The following ANKS1B variants were observed in gnomAD, a reference collection of about 807,000 sequenced individuals.
ANKS1B encodes the protein ankyrin repeat and sterile alpha motif domain containing 1B, also known as ankyrin repeat and sterile alpha motif domain-containing protein 1B.
A neutral mutation model predicts 148.3 loss-of-function variants in ANKS1B; 36 were observed. The observed-to-expected ratio is 0.24, with a 90% CI of 0.19 to 0.32. The LOEUF (loss-of-function observed/expected upper bound fraction) is 0.32, where lower values mean the gene tolerates loss of function less well. ANKS1B is among the 10% of genes least tolerant of loss of function. ANKS1B has a pLI of 1.00. For missense variants in ANKS1B, 1,157 were observed against 1,542.6 expected, an observed-to-expected ratio of 0.75 and a Z score of 4.19; for synonymous variants, 542 against 560.8, an observed-to-expected ratio of 0.97 and a Z score of 0.47.
At chr12:99,525,134 TA>T (rs1184171251) in intron 9 of ANKS1B, among the ~76,000 whole-genome samples, 1 of 152,096 alleles carries the variant, frequency 6.6e-6, no homozygotes, top group Non-Finnish European at 1.5e-5. Flanking sequence ...AAATGTGTGG[TA>T]ATTTGTTACA....
chr12:99,304,963 T>A (rs911129814), intron 12 of ANKS1B, among the ~76,000 whole-genome samples: 1 of 152,098 alleles, frequency 6.6e-6, no homozygotes, highest in Non-Finnish European at 1.5e-5. Context: ...GAAAAGAGGC[T>A]TATTGGCTCA....
intron 9 of ANKS1B, among the ~76,000 whole-genome samples, chr12:99,632,921 C>T (rs1251340570): frequency 1.3e-5 from 1 of 78,174 alleles, no homozygotes; most frequent in African/African-American, 4.7e-5. Flanking sequence ...CCCCCCACCC[C>T]ACCACAGGCC....
chr12:99,035,708 C>T (rs1038279960), intron 17 of ANKS1B, among the ~76,000 whole-genome samples: 26 of 152,232 alleles, frequency 1.7e-4, no homozygotes, highest in Admixed American at 8.5e-4. Context: ...GCATGTAAAG[C>T]GGTCCAGGCA....
intron 11 of ANKS1B, among the ~76,000 whole-genome samples, chr12:99,402,418 G>A (rs1465929000): frequency 2.1e-5 from 3 of 145,544 alleles, no homozygotes; most frequent in African/African-American, 7.9e-5. Context: ...TTATCGCCCA[G>A]GTATTAAGCC....
intron 8 of ANKS1B, among the ~76,000 whole-genome samples, chr12:99,656,277 C>A (rs371695462): frequency 6.6e-6 from 1 of 152,038 alleles, no homozygotes; most frequent in Non-Finnish European, 1.5e-5. Context: ...CTAGAATACT[C>A]CTCCCTGTAG....
At chr12:99,168,710 G>A (rs1332701707) in intron 14 of ANKS1B, among the ~76,000 whole-genome samples, 1 of 152,064 alleles carries the variant, frequency 6.6e-6, no homozygotes, top group East Asian at 1.9e-4. Context: ...TAGGCAGCGG[G>A]AACAGTAAAT....
intron 9 of ANKS1B, among the ~76,000 whole-genome samples, chr12:99,654,332 C>A (rs768439606): frequency 1.4e-4 from 21 of 152,168 alleles, no homozygotes; most frequent in Non-Finnish European, 1.0e-4. Context: ...TATCTTCTGT[C>A]CTGGACTGCT....
chr12:99,116,882 G>C (rs2061548355), intron 15 of ANKS1B, among the ~76,000 whole-genome samples: 1 of 152,146 alleles, frequency 6.6e-6, no homozygotes, highest in Non-Finnish European at 1.5e-5. Context: ...TCCTTGAGCA[G>C]TGGTTTGTAG....
At chr12:98,995,402 C>T (rs1011819366) in intron 17 of ANKS1B, among the ~76,000 whole-genome samples, 1 of 151,660 alleles carries the variant, frequency 6.6e-6, no homozygotes, top group Non-Finnish European at 1.5e-5. Flanking sequence ...ACCAGCCTAG[C>T]CAACATGGTG....
At chr12:99,124,969 TAAAGAG>T (rs1372378000) in intron 15 of ANKS1B, among the ~76,000 whole-genome samples, 5 of 151,688 alleles carry the variant, frequency 3.3e-5, no homozygotes, top group South Asian at 2.1e-4. Flanking sequence ...AATTTCCTGT[TAAAGAG>T]AGAATAGAGG....
chr12:98,821,324 T>G (rs1288027474), intron 19 of ANKS1B, among the ~76,000 whole-genome samples: 1 of 152,236 alleles, frequency 6.6e-6, no homozygotes. Context: ...TTTATTCAGA[T>G]GCCCATTATT....
intron 17 of ANKS1B, among the ~76,000 whole-genome samples, chr12:98,925,256 A>C (rs1429838213): frequency 6.6e-6 from 1 of 152,236 alleles, no homozygotes; most frequent in Non-Finnish European, 1.5e-5. Context: ...TAATTGGTTT[A>C]AAATGAAGCA....
chr12:99,889,898 A>T (rs1431104200), intron 1 of ANKS1B, among the ~76,000 whole-genome samples: 1 of 152,170 alleles, frequency 6.6e-6, no homozygotes, highest in Non-Finnish European at 1.5e-5. Context: ...CTCACACTGT[A>T]TTTTAATAAG....
At chr12:99,172,673 A>G (rs2077914599) in intron 14 of ANKS1B, among the ~76,000 whole-genome samples, 2 of 152,190 alleles carry the variant, frequency 1.3e-5, no homozygotes, top group African/African-American at 4.8e-5. Flanking sequence ...GCCATGGCAA[A>G]TGAACACTCT....
intron 17 of ANKS1B, among the ~76,000 whole-genome samples, chr12:98,950,446 G>A (rs1386054375): frequency 3.3e-5 from 5 of 152,174 alleles, no homozygotes; most frequent in African/African-American, 9.7e-5. Context: ...GCAGTGAGTT[G>A]AGATTGTGTC....
chr12:98,943,610 C>G (rs1186399429), intron 17 of ANKS1B, among the ~76,000 whole-genome samples: 1 of 152,192 alleles, frequency 6.6e-6, no homozygotes, highest in Non-Finnish European at 1.5e-5. Context: ...TCTTCCCATG[C>G]TACCATCTCT....
intron 11 of ANKS1B, among the ~76,000 whole-genome samples, chr12:99,436,870 C>A (rs897889999): frequency 6.6e-6 from 1 of 151,828 alleles, no homozygotes; most frequent in Non-Finnish European, 1.5e-5. Flanking sequence ...AGCCTTTGAC[C>A]TTTCTCCTTA....
At chr12:98,800,895 G>A (rs886391079) in intron 21 of ANKS1B, 102 bp downstream of exon 21, 110 of 1,339,778 alleles carry the variant, frequency 8.2e-5, no homozygotes, top group Non-Finnish European at 1.1e-4. Context: ...TTTCAGTGAT[G>A]GATATGGATA....
intron 1 of ANKS1B, among the ~76,000 whole-genome samples, chr12:99,973,825 A>G (rs1333965889): frequency 6.6e-6 from 1 of 152,216 alleles, no homozygotes; most frequent in East Asian, 1.9e-4. Flanking sequence ...TGGATAAGCA[A>G]AGAAAGTGGT....
Sources: gnomAD v4.1 joint callset for allele counts (sites outside exome capture counted in the v4.1 genomes callset) on GRCh38, gnomAD v4.1.1 for gene constraint, MANE v1.5 for transcripts, NCBI Gene and HGNC (gene_info 2026-07-23, HGNC 2026-07-21) for gene names.